ATP6V1E1: variants seen among roughly 807,000 people sequenced by gnomAD.
ATP6V1E1 encodes the protein ATPase H+ transporting V1 subunit E1.
In ATP6V1E1, 21 loss-of-function variants were observed where a neutral mutation model predicts 35.2. The observed-to-expected ratio is 0.60, with a 90% CI of 0.42 to 0.86. The LOEUF (loss-of-function observed/expected upper bound fraction) is 0.86, where lower values mean the gene tolerates loss of function less well. ATP6V1E1 is among the 40% of genes least tolerant of loss of function. ATP6V1E1 has a pLI of 0.00. For missense variants in ATP6V1E1, 183 were observed against 272.6 expected, an observed-to-expected ratio of 0.67 and a Z score of 2.32; for synonymous variants, 83 against 87.8, an observed-to-expected ratio of 0.95 and a Z score of 0.30.
chr22:17,618,199 G>A (rs1335058463), intron 2 of ATP6V1E1, among the ~76,000 whole-genome samples: 2 of 152,120 alleles, frequency 1.3e-5, no homozygotes, highest in African/African-American at 4.8e-5. Flanking sequence ...ATCACAGTTC[G>A]CCACGGTTGT....
At chr22:17,616,532 A>T (rs2057845545) in intron 2 of ATP6V1E1, among the ~76,000 whole-genome samples, 1 of 152,028 alleles carries the variant, frequency 6.6e-6, no homozygotes, top group Non-Finnish European at 1.5e-5. Context: ...ACAAAAAATT[A>T]GCTGGGCGTG....
chr22:17,609,508 AC>A (rs2057804413), intron 4 of ATP6V1E1, among the ~76,000 whole-genome samples: 1 of 93,732 alleles, frequency 1.1e-5, no homozygotes, highest in African/African-American at 4.4e-5. Context: ...TGGCTCTGTC[AC>A]CCAGGCTGGA....
chr22:17,595,958 G>A (rs1306568001), intron 7 of ATP6V1E1, among the ~76,000 whole-genome samples: 9 of 151,502 alleles, frequency 5.9e-5, no homozygotes, highest in South Asian at 2.1e-4. Flanking sequence ...GTGAAACCCC[G>A]TCTCTACTAA....
intron 7 of ATP6V1E1, among the ~76,000 whole-genome samples, chr22:17,596,179 G>A (rs1480663109): frequency 2.0e-5 from 3 of 151,758 alleles, no homozygotes; most frequent in East Asian, 3.8e-4. Context: ...TGAGGTTAGT[G>A]CTAATACGTC....
chr22:17,612,957 A>AATCCTCCTC, intron 3 of ATP6V1E1, 79 bp from the exon 4 acceptor site: 1 of 1,373,996 alleles, frequency 7.3e-7, no homozygotes, highest in Non-Finnish European at 1.0e-6. Context: ...GGGCTCAAGC[A>AATCCTCCTC]ATCCTCCTCC....
intron 4 of ATP6V1E1, among the ~76,000 whole-genome samples, chr22:17,609,698 T>C (rs1286166404): frequency 1.3e-5 from 2 of 150,956 alleles, no homozygotes; most frequent in Non-Finnish European, 2.9e-5. Flanking sequence ...CTCAATCTCC[T>C]GACCTCGTGA....
At chr22:17,593,399 T>C (rs2057714981) in intron 8 of ATP6V1E1, among the ~76,000 whole-genome samples, 1 of 152,202 alleles carries the variant, frequency 6.6e-6, no homozygotes, top group Non-Finnish European at 1.5e-5. Flanking sequence ...GAGTGCCTAC[T>C]ATGGCCACAG....
intron 4 of ATP6V1E1, among the ~76,000 whole-genome samples, chr22:17,607,200 C>T (rs2057791240): frequency 6.6e-6 from 1 of 151,902 alleles, no homozygotes; most frequent in South Asian, 2.1e-4. Flanking sequence ...ACTCTGTCGC[C>T]AGGCTGGAGT....
At position 17,628,725 on chromosome 22, in the gene ATP6V1E1, C is replaced by G; in HGVS notation, c.-90G>C. 5 of 1,564,244 alleles carry G rather than the reference C, an allele frequency of 3.2e-6. No homozygotes were observed. Among genetic ancestry groups the G allele is most frequent in the Non-Finnish European group, 4.4e-6 (5 of 1,135,790 alleles). On this transcript the variant is annotated 5_prime_UTR_variant, in exon 1 of 9. Transcript: ENST00000253413. ...GAAATCGGCAAAGGGAACCCCTGCG[C>G]AGATCTCGGGTTCCTTTACTTTATA...
intron 7 of ATP6V1E1, chr22:17,595,214 A>C (rs1450063009): frequency 1.3e-5 from 2 of 152,084 alleles, no homozygotes; most frequent in East Asian, 1.9e-4. Flanking sequence ...CGCCTGGCTA[A>C]TTTTTGTATT....
chr22:17,598,356 G>T, intron 6 of ATP6V1E1, 68 bp from the exon 7 acceptor site: 1 of 1,253,044 alleles, frequency 8.0e-7, no homozygotes, highest in Non-Finnish European at 1.2e-6. Flanking sequence ...AAACTCAACA[G>T]ACTATACAAG....
At chr22:17,614,239 A>G (rs2057830500) in intron 2 of ATP6V1E1, among the ~76,000 whole-genome samples, 1 of 151,946 alleles carries the variant, frequency 6.6e-6, no homozygotes, top group Admixed American at 6.6e-5. Flanking sequence ...AATCCCAGCT[A>G]GTCGGAAGGC....
intron 8 of ATP6V1E1, among the ~76,000 whole-genome samples, chr22:17,593,909 A>G (rs1158892069): frequency 6.6e-6 from 1 of 152,216 alleles, no homozygotes; most frequent in African/African-American, 2.4e-5. Flanking sequence ...ATTCCTTTAA[A>G]TAAGTATTTG....
rs1430028410 is a variant in ATP6V1E1, at chr22:17,612,818, A to C, written c.270T>G (p.Leu90=). The stretch of plus-strand genomic sequence containing the variant: ...ATAGGGGCTAATTACTCACTGTGAT[A>C]AGGTCATCTCTTGCTCTGAGGACTT... ...RLKVLRARDD[L]ITDLLNEAKQ... The change falls in exon 4 of 9, where the codon CTT becomes CTG. Residue 90 remains leucine (L), a synonymous_variant. Coordinates refer to ENST00000253413, the MANE Select transcript of ATP6V1E1 (RefSeq NM_001696.4). The C allele has an allele frequency of 6.3e-7, 1 of 1,598,292 alleles. No individual in the cohort carries two copies. The highest frequency in any genetic ancestry group is 8.5e-7 in the Non-Finnish European group (1 of 1,175,650).
Position 17,611,881 on chromosome 22 carries a change from T to A in ATP6V1E1, c.276+931A>T, listed in dbSNP as rs147906200. ...CTTTCTCATCTAAGAAAACAGTATG[T>A]CTTCCATTTTTTCAAGTTCTATATT... On this transcript the variant is annotated intron_variant, in intron 4 of 8. Coordinates refer to ENST00000253413, the MANE Select transcript of ATP6V1E1 (RefSeq NM_001696.4). Among the ~76,000 whole-genome samples, 773 of 152,318 alleles carry A rather than the reference T, an allele frequency of 5.1e-3. 8 individuals are homozygous for A. Among genetic ancestry groups the A allele is most frequent in the African/African-American group, 0.018 (748 of 41,580 alleles).
intron 1 of ATP6V1E1, among the ~76,000 whole-genome samples, chr22:17,624,987 A>T (rs2057896543): frequency 6.6e-6 from 1 of 152,206 alleles, no homozygotes; most frequent in Non-Finnish European, 1.5e-5. Context: ...TATGGAGGGC[A>T]TTTTACTTTT....
chr22:17,594,699 G>A, intron 7 of ATP6V1E1, 83 bp from the exon 8 acceptor site: 2 of 1,197,954 alleles, frequency 1.7e-6, no homozygotes, highest in South Asian at 1.7e-5. Flanking sequence ...GCAGAGGAAT[G>A]CCCTTGTCTT....
In ATP6V1E1 at chr22:17,597,157, G is replaced by A. The variant is rs559728397; in HGVS notation, c.530+1037C>T. 5.3e-5 allele frequency among the ~76,000 whole-genome samples: 8 copies of A among 151,848 alleles called. No homozygotes were observed. The East Asian group carries it at 5.8e-4, about 11-fold the overall frequency. On this transcript the variant is annotated intron_variant, in intron 7 of 8. Transcript: ENST00000253413. ...CTCAGGAGGCTAAGGCAGGAAAATC[G>A]CTTGAACCTGGGAGGCAGAGGTTGC...
chr22:17,609,301 T>C (rs139085059), intron 4 of ATP6V1E1, among the ~76,000 whole-genome samples: 6,736 of 136,928 alleles, frequency 0.049, 471 homozygotes, highest in African/African-American at 0.17. Context: ...GCTGGGACTA[T>C]AGGCGCCCGC....
Sources: gnomAD v4.1 joint callset for allele counts (sites outside exome capture counted in the v4.1 genomes callset) on GRCh38, gnomAD v4.1.1 for gene constraint, MANE v1.5 for transcripts, NCBI Gene and HGNC (gene_info 2026-07-23, HGNC 2026-07-21) for gene names.